The following CCSER2 variants were observed in gnomAD, a reference collection of about 807,000 sequenced individuals.
The protein encoded by CCSER2 is serine-rich coiled-coil domain-containing protein 2.
In CCSER2, 46 loss-of-function variants were observed where a neutral mutation model predicts 92.3. The observed-to-expected ratio is 0.50, with a 90% confidence interval of 0.39 to 0.64. The LOEUF (loss-of-function observed/expected upper bound fraction) is 0.64. Among genes scored for constraint, CCSER2 ranks in the 30% least tolerant of loss-of-function variants. The probability of loss-of-function intolerance (pLI) is 0.00; values close to 1 mark genes in which losing one functional copy is unlikely to be tolerated. For missense variants in CCSER2, 1,244 were observed against 1,238.9 expected (o/e 1.00, Z -0.06); for synonymous variants, 433 against 431.4 (o/e 1.00, Z -0.04).
intron 3 of CCSER2, among the ~76,000 whole-genome samples, chr10:84,412,479 T>C (rs1188530787): frequency 1.3e-5 from 2 of 152,032 alleles, no homozygotes; most frequent in African/African-American, 4.8e-5. Flanking sequence ...TTAGAGCTCG[T>C]TATTGGTCTG....
At chr10:84,465,917 A>C (rs1310543338) in intron 7 of CCSER2, among the ~76,000 whole-genome samples, 1 of 151,776 alleles carries the variant, frequency 6.6e-6, no homozygotes, top group Non-Finnish European at 1.5e-5. Flanking sequence ...CGCCCAGCTA[A>C]TTTTTTGTAT....
chr10:84,392,283 T>C (rs1361643583), intron 3 of CCSER2, among the ~76,000 whole-genome samples: 1 of 121,934 alleles, frequency 8.2e-6, no homozygotes, highest in Non-Finnish European at 1.6e-5. Flanking sequence ...GAAATATGTC[T>C]CCAGCTACAA....
At position 84,341,037 on chromosome 10, in the gene CCSER2, C is replaced by CTTT. The variant is rs749153928; in HGVS notation, c.-40+12248_-40+12250dup. ...CTCTCATGTACCACTCAATGTAACA[C>CTTT]TTTTTTTTTTTTTTTTTTTTTGAGA... On this transcript the variant is annotated intron_variant, in intron 1 of 9. Coordinates refer to ENST00000372088, the MANE Select transcript of CCSER2 (RefSeq NM_001284240.2). 2.5e-3 allele frequency among the ~76,000 whole-genome samples: 286 copies of CTTT among 115,110 alleles called. 3 individuals are homozygous for CTTT. Among genetic ancestry groups the CTTT allele is most frequent in the African/African-American group, 4.8e-3 (133 of 27,840 alleles). 75.5% of individuals were successfully genotyped at this position (115,110 alleles called of 152,430 possible). A position where few individuals can be genotyped will look rare whatever the true frequency, so the allele number is the denominator to read the frequency against.
intron 3 of CCSER2, among the ~76,000 whole-genome samples, chr10:84,387,479 G>A (rs1280359722): frequency 2.6e-5 from 4 of 151,822 alleles, no homozygotes; most frequent in African/African-American, 9.7e-5. Flanking sequence ...CTTTATTTCA[G>A]TTTATAGTAT....
chr10:84,368,324 A>G (rs1455044228), intron 1 of CCSER2, among the ~76,000 whole-genome samples: 1 of 152,056 alleles, frequency 6.6e-6, no homozygotes, highest in Admixed American at 6.5e-5. Flanking sequence ...TTTAAACTTT[A>G]TAAGTTCTTA....
chr10:84,461,049 A>G (rs549220835), intron 6 of CCSER2, among the ~76,000 whole-genome samples: 65 of 152,260 alleles, frequency 4.3e-4, no homozygotes, highest in African/African-American at 1.5e-3. Flanking sequence ...TTGTTTTAAT[A>G]AAAGTATTTC....
At chr10:84,364,757 T>TTTG (rs1845692191) in intron 1 of CCSER2, among the ~76,000 whole-genome samples, 1 of 151,574 alleles carries the variant, frequency 6.6e-6, no homozygotes, top group Admixed American at 6.6e-5. Context: ...TTTTTTTTTT[T>TTTG]TTGAGATGGA....
intron 1 of CCSER2, among the ~76,000 whole-genome samples, chr10:84,346,949 C>G (rs1321161443): frequency 6.6e-6 from 1 of 151,776 alleles, no homozygotes. Context: ...TGTTTGTGTC[C>G]CTGGGTACTT....
intron 9 of CCSER2, among the ~76,000 whole-genome samples, chr10:84,505,861 CT>C (rs757503175): frequency 8.6e-5 from 9 of 104,752 alleles, no homozygotes; most frequent in Non-Finnish European, 1.7e-4. Flanking sequence ...TGCTTTGCAG[CT>C]TGTGGGATTT....
chr10:84,392,914 G>T (rs1272047470), intron 3 of CCSER2, among the ~76,000 whole-genome samples: 5 of 152,142 alleles, frequency 3.3e-5, no homozygotes, highest in African/African-American at 1.2e-4. Flanking sequence ...TTAAAGTGCA[G>T]TTTAAGGGTT....
chr10:84,337,944 G>A (rs146072063), intron 1 of CCSER2, among the ~76,000 whole-genome samples: 5 of 152,272 alleles, frequency 3.3e-5, no homozygotes, highest in African/African-American at 4.8e-5. Flanking sequence ...GTAGTTACCC[G>A]TGGACACATT....
intron 1 of CCSER2, among the ~76,000 whole-genome samples, chr10:84,352,365 A>C (rs1844912596): frequency 6.6e-6 from 1 of 152,062 alleles, no homozygotes; most frequent in Admixed American, 6.5e-5. Context: ...CTCAATCTTG[A>C]AGGTAGAGGA....
chr10:84,335,905 T>C (rs1233772992), intron 1 of CCSER2, among the ~76,000 whole-genome samples: 1 of 152,186 alleles, frequency 6.6e-6, no homozygotes, highest in African/African-American at 2.4e-5. Flanking sequence ...TAGAATGGAC[T>C]TGATGATATT....
chr10:84,491,717 A>G (rs1005231216), intron 9 of CCSER2, among the ~76,000 whole-genome samples: 2 of 151,760 alleles, frequency 1.3e-5, no homozygotes, highest in Admixed American at 6.6e-5. Context: ...CCCTGCTTCC[A>G]CTCACACTCT....
chr10:84,497,416 T>G (rs1848511594), intron 9 of CCSER2, among the ~76,000 whole-genome samples: 1 of 152,222 alleles, frequency 6.6e-6, no homozygotes, highest in African/African-American at 2.4e-5. Context: ...CAGGCAGCGC[T>G]GTTTATGTAT....
chr10:84,464,038 G>A, intron 7 of CCSER2, 22 bp downstream of exon 7: 1 of 1,374,964 alleles, frequency 7.3e-7, no homozygotes, highest in Non-Finnish European at 1.0e-6. Flanking sequence ...TAGTCATGCT[G>A]GATTTTTCAA....
At chr10:84,441,097 CTTG>C (rs1438522684) in intron 6 of CCSER2, among the ~76,000 whole-genome samples, 1 of 152,066 alleles carries the variant, frequency 6.6e-6, no homozygotes, top group Non-Finnish European at 1.5e-5. Flanking sequence ...GTGAAATGTT[CTTG>C]TTATTTCTGT....
intron 6 of CCSER2, among the ~76,000 whole-genome samples, chr10:84,462,797 G>A (rs1358143585): frequency 1.3e-5 from 2 of 152,124 alleles, no homozygotes; most frequent in Non-Finnish European, 2.9e-5. Context: ...GTGTCAGTGG[G>A]TATACAGTAC....
chr10:84,446,905 T>TA (rs1221333969), intron 6 of CCSER2, among the ~76,000 whole-genome samples: 6 of 152,180 alleles, frequency 3.9e-5, no homozygotes, highest in Non-Finnish European at 7.3e-5. Flanking sequence ...CAACTTTTTT[T>TA]TAAGGTTCAT....
Sources: gnomAD v4.1 joint callset for allele counts (sites outside exome capture counted in the v4.1 genomes callset) on GRCh38, gnomAD v4.1.1 for gene constraint, MANE v1.5 for transcripts, NCBI Gene and HGNC (gene_info 2026-07-23, HGNC 2026-07-21) for gene names.